NAV2: variants seen among roughly 807,000 people sequenced by gnomAD.
NAV2 encodes neuron navigator 2, also known as helicase, APC down-regulated 1.
A neutral mutation model predicts 223.2 loss-of-function variants in NAV2; 54 were observed. The ratio of observed to expected loss-of-function variants is 0.24; its 90% CI spans 0.19 to 0.30. The LOEUF (loss-of-function observed/expected upper bound fraction) is 0.30, where lower values mean the gene tolerates loss of function less well. Ranked by LOEUF, NAV2 falls within the 10% of genes least tolerant of loss-of-function variation. The probability of loss-of-function intolerance (pLI) is 1.00; values close to 1 mark genes in which losing one functional copy is unlikely to be tolerated. For synonymous variants in NAV2, 1,279 were observed against 1,239.3 expected, an observed-to-expected ratio of 1.03 and a Z score of -0.67; for missense variants, 2,806 against 3,147.5, an observed-to-expected ratio of 0.89 and a Z score of 2.60.
intron 1 of NAV2, among the ~76,000 whole-genome samples, chr11:19,664,965 G>C (rs1244698217): frequency 1.3e-5 from 2 of 152,200 alleles, no homozygotes; most frequent in African/African-American, 4.8e-5. Context: ...TAAGTAACTT[G>C]CTCATGTCAC....
At chr11:19,996,825 A>C (rs1173344750) in intron 11 of NAV2, among the ~76,000 whole-genome samples, 2 of 152,152 alleles carry the variant, frequency 1.3e-5, no homozygotes, top group African/African-American at 4.8e-5. Flanking sequence ...AATTGCCTGA[A>C]ACGAGATCTG....
chr11:19,415,654 C>G (rs576540779), intron 1 of NAV2, among the ~76,000 whole-genome samples: 4 of 152,126 alleles, frequency 2.6e-5, no homozygotes, highest in Non-Finnish European at 4.4e-5. Flanking sequence ...AAGAAAATTT[C>G]AGGCCAATAT....
chr11:19,778,516 A>AC (rs1421180132), intron 1 of NAV2, among the ~76,000 whole-genome samples: 2 of 151,894 alleles, frequency 1.3e-5, no homozygotes, highest in African/African-American at 2.4e-5. Context: ...CAAAAACAAA[A>AC]ACAAAACACA....
intron 6 of NAV2, among the ~76,000 whole-genome samples, chr11:19,916,019 TG>T (rs374102378): frequency 1.4e-4 from 22 of 152,278 alleles, no homozygotes; most frequent in African/African-American, 5.1e-4. Context: ...ATCTGTAAAA[TG>T]GGGGTATAGC....
At chr11:19,938,776 G>A (rs949419018) in intron 7 of NAV2, among the ~76,000 whole-genome samples, 12 of 152,158 alleles carry the variant, frequency 7.9e-5, no homozygotes, top group African/African-American at 2.7e-4. Flanking sequence ...GAGAACGATG[G>A]CCTCAGTAGG....
intron 1 of NAV2, among the ~76,000 whole-genome samples, chr11:19,362,110 A>T (rs1410270002): frequency 1.3e-5 from 2 of 152,188 alleles, no homozygotes; most frequent in East Asian, 3.9e-4. Context: ...ATACACTGTC[A>T]CTTTAACTTC....
intron 1 of NAV2, among the ~76,000 whole-genome samples, chr11:19,670,996 C>G (rs969522279): frequency 6.6e-6 from 1 of 152,222 alleles, no homozygotes. Context: ...TGCCAAGAGT[C>G]TGGAGACTCC....
chr11:19,515,011 C>T (rs1473844490), intron 1 of NAV2, among the ~76,000 whole-genome samples: 3 of 152,162 alleles, frequency 2.0e-5, no homozygotes, highest in Non-Finnish European at 4.4e-5. Flanking sequence ...AGTAGGAAAA[C>T]AGTGATAGTT....
At chr11:19,397,649 TA>T (rs1232373144) in intron 1 of NAV2, among the ~76,000 whole-genome samples, 1 of 152,174 alleles carries the variant, frequency 6.6e-6, no homozygotes. Context: ...TAATGAAATA[TA>T]GGTTAAAATT....
chr11:19,625,856 G>A (rs1019420766), intron 1 of NAV2, among the ~76,000 whole-genome samples: 36 of 152,054 alleles, frequency 2.4e-4, no homozygotes, highest in African/African-American at 8.4e-4. Context: ...CTTCTTTTGA[G>A]AAATGTCTGT....
At chr11:19,652,445 A>G (rs184325791) in intron 1 of NAV2, among the ~76,000 whole-genome samples, 128 of 152,300 alleles carry the variant, frequency 8.4e-4, no homozygotes, top group Non-Finnish European at 1.5e-3. Context: ...AAACTGTGAT[A>G]TGCAGTGAGG....
chr11:20,019,112 A>G (rs1459808706), intron 11 of NAV2, among the ~76,000 whole-genome samples: 2 of 152,188 alleles, frequency 1.3e-5, no homozygotes, highest in African/African-American at 4.8e-5. Flanking sequence ...TCTGCTGTAC[A>G]CTGGAGAAAG....
chr11:20,114,608 C>G lies in NAV2; in HGVS notation c.6977C>G (p.Ala2326Gly). The stretch of plus-strand genomic sequence containing the variant: ...TGTTTTCAGCTCTATGGAAGGCGCG[C>G]CCCCTGGGAGGATCCTGCCAAGTGG... ...REGLQLYGRR[A>G]PWEDPAKWVM... The change falls in exon 37 of 38, where the codon GCC (alanine) becomes GGC (glycine). Residue 2326 changes from alanine to glycine, a missense_variant. Physicochemically the swap from Ala to Gly is moderately conservative, Grantham distance 60. Transcript: ENST00000349880. The G allele has an allele frequency of 6.2e-7, 1 of 1,614,070 alleles. No homozygotes were observed. Among genetic ancestry groups the G allele is most frequent in the Non-Finnish European group, 8.5e-7 (1 of 1,180,006 alleles).
rs186899129 is a variant in NAV2 at position 19,481,628 on chromosome 11, T to C, written c.75+130601T>C. Among the ~76,000 whole-genome samples, 356 of 152,332 alleles carry C rather than the reference T, an allele frequency of 2.3e-3. 12 individuals carry two copies. Among genetic ancestry groups the C allele is most frequent in the Admixed American group, 0.021 (329 of 15,310 alleles). ...TATGTCCATGAGGTTGTTTGGAAGATTAAATGAAATAATCCATGTAATGCA... is the reference window on the plus strand; with the variant it reads ...TATGTCCATGAGGTTGTTTGGAAGACTAAATGAAATAATCCATGTAATGCA... On this transcript the variant is annotated intron_variant, in intron 1 of 37. Coordinates refer to the NAV2 transcript ENST00000360655.
upstream of NAV2, among the ~76,000 whole-genome samples, chr11:19,710,576 G>A (rs1038095913): frequency 1.3e-5 from 2 of 152,260 alleles, no homozygotes; most frequent in Admixed American, 6.5e-5. Context: ...TCTGGGTGGA[G>A]CTTTCAAACA....
intron 1 of NAV2, among the ~76,000 whole-genome samples, chr11:19,790,152 C>T (rs542763327): frequency 3.3e-5 from 5 of 152,276 alleles, no homozygotes; most frequent in South Asian, 2.1e-4. Context: ...TTCCATTAGA[C>T]GTGCTTTGGC....
At chr11:19,776,568 T>G in intron 1 of NAV2, among the ~76,000 whole-genome samples, 2 of 103,064 alleles carry the variant, frequency 1.9e-5, no homozygotes, top group African/African-American at 4.9e-5. Context: ...GCGTGTGGGC[T>G]GGGGCAGGGG....
At chr11:19,787,395 C>T (rs1186447229) in intron 1 of NAV2, among the ~76,000 whole-genome samples, 1 of 147,096 alleles carries the variant, frequency 6.8e-6, no homozygotes, top group Non-Finnish European at 1.5e-5. Context: ...GGATTACAGA[C>T]GTGAACCACT....
At chr11:19,979,482 T>G (rs1278376565) in intron 10 of NAV2, among the ~76,000 whole-genome samples, 1 of 152,196 alleles carries the variant, frequency 6.6e-6, no homozygotes, top group Non-Finnish European at 1.5e-5. Flanking sequence ...TTCTCTCTGC[T>G]TTTGCATAGG....
Sources: allele counts gnomAD v4.1 joint callset (sites outside exome capture counted in the v4.1 genomes callset), GRCh38; gene constraint gnomAD v4.1.1; transcripts MANE v1.5; gene names NCBI Gene and HGNC (gene_info 2026-07-23, HGNC 2026-07-21).